CNTLN: variants seen among roughly 807,000 people sequenced by gnomAD.
The protein encoded by CNTLN is centlein, centrosomal protein.
Under a neutral mutation model 180.0 loss-of-function variants are expected in CNTLN, and 212 were observed. That is an observed-to-expected ratio of 1.18 (90% CI 1.05 to 1.32). CNTLN has a LOEUF of 1.32. Among genes scored for constraint, CNTLN ranks in the 40% most tolerant of loss-of-function variants. The pLI, the probability that CNTLN is intolerant of heterozygous loss-of-function variation, is 0.00. For synonymous variants in CNTLN, 722 were observed against 563.1 expected (o/e 1.28, Z -3.99); for missense variants, 2,095 against 1,610.9 (o/e 1.30, Z -5.14).
intron 5 of CNTLN, among the ~76,000 whole-genome samples, chr9:17,246,548 GT>G (rs1042384973): frequency 6.6e-6 from 1 of 152,158 alleles, no homozygotes; most frequent in Non-Finnish European, 1.5e-5. Flanking sequence ...CCACTGTGTG[GT>G]TTTTGCCTGT....
In CNTLN at chr9:17,415,810, C is replaced by A. The variant is rs368226680; in HGVS notation, c.2819C>A (p.Ala940Asp). The A allele has an allele frequency of 6.2e-7, 1 of 1,610,004 alleles. No homozygotes were observed. The highest frequency in any genetic ancestry group is 8.5e-7 in the Non-Finnish European group (1 of 1,177,522). ...TAGGACTATTTTCATGATAAGAATG[C>A]CAAAAAACCAACTTTTCAAAAGAAG... The part of the protein sequence containing the change: ...TPKDYFHDKN[A>D]KKPTFQKKNC... The change falls in exon 17 of 26, where the codon GCC becomes GAC. Residue 940 changes from alanine to aspartate, a missense_variant. Transcript: ENST00000380647.
intron 5 of CNTLN, among the ~76,000 whole-genome samples, chr9:17,245,409 A>T (rs1825740471): frequency 6.8e-6 from 1 of 147,094 alleles, no homozygotes; most frequent in Non-Finnish European, 1.5e-5. Flanking sequence ...CTGCTGCCAG[A>T]TGTGTTAGAG....
Position 17,502,752 on chromosome 9 carries a change from C to G in CNTLN, c.*100C>G. 2.2e-6 allele frequency: 1 copy of G among 464,366 alleles called. No individual in the cohort carries two copies. Among genetic ancestry groups the G allele is most frequent in the Non-Finnish European group, 3.9e-6 (1 of 258,076 alleles). 28.8% of individuals were successfully genotyped at this position (464,366 alleles called of 1,614,324 possible). A position where few individuals can be genotyped will look rare whatever the true frequency, so the allele number is the denominator to read the frequency against. On this transcript the variant is annotated 3_prime_UTR_variant, in exon 26 of 26. Transcript: ENST00000380647. Reference sequence around the variant, plus strand: ...CTGACACGGTATCTGCTCCAACTATCAATAGTCAGGTTCAATACCAAAATA... The same window carrying G: ...CTGACACGGTATCTGCTCCAACTATGAATAGTCAGGTTCAATACCAAAATA...
chr9:17,414,999 T>C lies in CNTLN; in HGVS notation c.2797-789T>C, dbSNP rs146478138. 6.3e-4 allele frequency among the ~76,000 whole-genome samples: 96 copies of C among 152,118 alleles called. 1 individual carries two copies. The highest frequency in any genetic ancestry group is 1.5e-3 in the African/African-American group (63 of 41,508). ...TACTTGGGAGGCTGAGGCATGAGAA[T>C]TGCTTGAACCTGGGAGGCGGAGGTT... On this transcript the variant is annotated intron_variant, in intron 16 of 25. Transcript: ENST00000380647.
chr9:17,319,420 T>C (rs539610635), intron 8 of CNTLN, among the ~76,000 whole-genome samples: 1 of 152,348 alleles, frequency 6.6e-6, no homozygotes, highest in Admixed American at 6.5e-5. Flanking sequence ...AAGTGAAATA[T>C]ACAGTCGAGG....
At chr9:17,362,094 G>A (rs1360038637) in intron 12 of CNTLN, among the ~76,000 whole-genome samples, 1 of 152,160 alleles carries the variant, frequency 6.6e-6, no homozygotes, top group African/African-American at 2.4e-5. Context: ...TAAAAGTAGG[G>A]ACTGTGTGTG....
intron 18 of CNTLN, among the ~76,000 whole-genome samples, chr9:17,432,694 A>G (rs766342859): frequency 6.6e-6 from 1 of 152,166 alleles, no homozygotes; most frequent in Non-Finnish European, 1.5e-5. Context: ...ATGCATCAGT[A>G]TAAATTCTAT....
At chr9:17,309,014 T>C in intron 7 of CNTLN, 44 bp from the exon 8 acceptor site, 1 of 1,323,766 alleles carries the variant, frequency 7.6e-7, no homozygotes, top group Non-Finnish European at 1.0e-6. Context: ...AGACACATAG[T>C]TTTATTGATT....
the CNTLN span, among the ~76,000 whole-genome samples, chr9:17,510,381 G>T: frequency 6.6e-6 from 1 of 152,208 alleles, no homozygotes; most frequent in African/African-American, 2.4e-5. Flanking sequence ...TTGTGCATGT[G>T]TGTTCAGTTG....
At chr9:17,468,190 G>A (rs567756456) in intron 23 of CNTLN, among the ~76,000 whole-genome samples, 92 of 151,656 alleles carry the variant, frequency 6.1e-4, no homozygotes, top group African/African-American at 2.1e-3. Flanking sequence ...CCTAAACATT[G>A]AGTACACATG....
At chr9:17,260,082 G>A (rs1229302874) in intron 5 of CNTLN, among the ~76,000 whole-genome samples, 3 of 144,730 alleles carry the variant, frequency 2.1e-5, no homozygotes, top group African/African-American at 5.5e-5. Context: ...TGTCAATTTT[G>A]GATCTTTCCT....
chr9:17,185,923 G>A (rs753340602), intron 2 of CNTLN, among the ~76,000 whole-genome samples: 7 of 151,926 alleles, frequency 4.6e-5, no homozygotes. Context: ...CTCCTGAGGA[G>A]CTGGGACTAT....
At position 17,298,082 on chromosome 9, in the gene CNTLN, TAAC is replaced by T; in HGVS notation, c.984-106_984-104del. The T allele has an allele frequency of 4.5e-6, 4 of 882,184 alleles. No homozygotes were observed. In the Admixed American group the frequency reaches 1.2e-4, roughly 27 times the overall value. 54.6% of individuals were successfully genotyped at this position (882,184 alleles called of 1,614,324 possible). ...TTAATAAGTTTGCCTGCAGTACAAA[TAAC>T]AGATGCAAAACAGGATGCCAATCTG... On this transcript the variant is annotated intron_variant, in intron 6 of 25. Coordinates refer to ENST00000380647, the MANE Select transcript of CNTLN (RefSeq NM_017738.4).
chr9:17,260,408 T>C, intron 5 of CNTLN, among the ~76,000 whole-genome samples: 1 of 151,384 alleles, frequency 6.6e-6, no homozygotes, highest in Non-Finnish European at 1.5e-5. Context: ...ATGTGGCCAA[T>C]TTTGGAATAG....
chr9:17,264,747 G>A (rs1182130492), intron 5 of CNTLN, among the ~76,000 whole-genome samples: 2 of 151,946 alleles, frequency 1.3e-5, no homozygotes, highest in East Asian at 1.9e-4. Flanking sequence ...CCTTGAAGAG[G>A]TCCTTCACAT....
intron 7 of CNTLN, chr9:17,300,025 C>G (rs1031029322): frequency 6.5e-6 from 1 of 153,764 alleles, no homozygotes; most frequent in Non-Finnish European, 1.4e-5. Context: ...TATCCTCACA[C>G]CCTAGGTGAT....
At chr9:17,153,650 A>C (rs1249000987) in intron 2 of CNTLN, among the ~76,000 whole-genome samples, 2 of 152,080 alleles carry the variant, frequency 1.3e-5, no homozygotes, top group Non-Finnish European at 1.5e-5. Flanking sequence ...GCTCTTCTCA[A>C]GGAGTATCTT....
chr9:17,353,254 C>G (rs1169956415), intron 12 of CNTLN, among the ~76,000 whole-genome samples: 1 of 137,010 alleles, frequency 7.3e-6, no homozygotes, highest in Non-Finnish European at 1.6e-5. Flanking sequence ...TAGTACCCTG[C>G]TTTATGTTTA....
At chr9:17,346,450 G>A (rs1821904291) in intron 12 of CNTLN, among the ~76,000 whole-genome samples, 2 of 152,188 alleles carry the variant, frequency 1.3e-5, no homozygotes, top group African/African-American at 4.8e-5. Context: ...TGAGATTTGG[G>A]TGGGGACACA....
Sources: allele counts gnomAD v4.1 joint callset (sites outside exome capture counted in the v4.1 genomes callset), GRCh38; gene constraint gnomAD v4.1.1; transcripts MANE v1.5; gene names NCBI Gene and HGNC (gene_info 2026-07-23, HGNC 2026-07-21).